ZFAND3: variants seen among roughly 807,000 people sequenced by gnomAD.
ZFAND3 encodes the protein AN1-type zinc finger protein 3.
ZFAND3 carries 10 observed loss-of-function variants against 29.6 expected under a neutral mutation model. That is an observed-to-expected ratio of 0.34 (90% confidence interval 0.21 to 0.57). ZFAND3 has a LOEUF of 0.57. ZFAND3 is among the 20% of genes least tolerant of loss of function. The pLI is 0.86. For missense variants in ZFAND3, 230 were observed against 304.5 expected, an observed-to-expected ratio of 0.76 and a Z score of 1.82; for synonymous variants, 128 against 112.6, an observed-to-expected ratio of 1.14 and a Z score of -0.87.
intron 1 of ZFAND3, among the ~76,000 whole-genome samples, chr6:37,822,620 A>G (rs1319864334): frequency 6.6e-6 from 1 of 152,196 alleles, no homozygotes; most frequent in African/African-American, 2.4e-5. Flanking sequence ...GTAAACTGAC[A>G]GTTGCAATAC....
chr6:38,005,068 G>T (rs545989188), intron 2 of ZFAND3, among the ~76,000 whole-genome samples: 2 of 152,238 alleles, frequency 1.3e-5, no homozygotes, highest in East Asian at 3.8e-4. Flanking sequence ...CTTCTTCAGT[G>T]AGATAATCAG....
At chr6:38,014,237 AAG>A (rs568756507) in intron 2 of ZFAND3, among the ~76,000 whole-genome samples, 70 of 152,212 alleles carry the variant, frequency 4.6e-4, no homozygotes, top group South Asian at 6.2e-4. Context: ...TTTTGTTAAA[AAG>A]AGAGAGAGAA....
chr6:37,891,968 A>G lies in ZFAND3; in HGVS notation c.72-37991A>G, dbSNP rs116572732. Among the ~76,000 whole-genome samples the G allele has an allele frequency of 5.0e-3, 763 of 152,232 alleles. 9 individuals are homozygous for G. Among genetic ancestry groups the G allele is most frequent in the African/African-American group, 0.017 (701 of 41,536 alleles). ...AGTCTCGAACCCCTGAACTCAGGCA[A>G]TCCACTCGCCTCGCCCTCCCAAAGT... On this transcript the variant is annotated intron_variant, in intron 1 of 5. Transcript: ENST00000287218.
At position 37,971,916 on chromosome 6, in the gene ZFAND3, C is replaced by G. The variant is rs1047749762; in HGVS notation, c.112+41917C>G. Reference sequence around the variant, plus strand: ...TTGAGAGGTTGAAGTGGGAGGATTGCTTGAGCCGTGATCTTGCCACTGCAC... The same window carrying G: ...TTGAGAGGTTGAAGTGGGAGGATTGGTTGAGCCGTGATCTTGCCACTGCAC... On this transcript the variant is annotated intron_variant, in intron 2 of 5. Transcript: ENST00000287218. Among the ~76,000 whole-genome samples the G allele has an allele frequency of 1.6e-4, 24 of 151,210 alleles. No homozygotes were observed. The East Asian group carries it at 2.3e-3, about 15-fold the overall frequency.
At chr6:38,151,159 G>A (rs1285124588) in intron 5 of ZFAND3, among the ~76,000 whole-genome samples, 1 of 152,182 alleles carries the variant, frequency 6.6e-6, no homozygotes, top group Admixed American at 6.5e-5. Context: ...CGGTGCAGCT[G>A]CGCCCTGAGT....
chr6:38,064,483 G>T (rs1764303457), intron 3 of ZFAND3, among the ~76,000 whole-genome samples: 1 of 152,174 alleles, frequency 6.6e-6, no homozygotes, highest in African/African-American at 2.4e-5. Flanking sequence ...TCAAATTTAG[G>T]CATTTGGCTT....
At chr6:37,852,155 GTTTA>G (rs900767394) in intron 1 of ZFAND3, among the ~76,000 whole-genome samples, 2 of 152,168 alleles carry the variant, frequency 1.3e-5, no homozygotes, top group Admixed American at 6.5e-5. Context: ...CAGGAAATCA[GTTTA>G]TTTATCTCAT....
At chr6:38,110,643 C>G (rs1022866737) in intron 4 of ZFAND3, among the ~76,000 whole-genome samples, 48 of 152,178 alleles carry the variant, frequency 3.2e-4, no homozygotes, top group Non-Finnish European at 1.8e-4. Flanking sequence ...TGTCAAGAGA[C>G]TGATAGGTTC....
intron 2 of ZFAND3, among the ~76,000 whole-genome samples, chr6:38,039,663 G>A (rs564248343): frequency 2.4e-4 from 37 of 152,290 alleles, no homozygotes; most frequent in Non-Finnish European, 4.6e-4. Context: ...TCAGTACTCT[G>A]TAGTGCATGG....
chr6:37,902,482 C>CCTGT (rs1445494170), intron 1 of ZFAND3, among the ~76,000 whole-genome samples: 1 of 151,706 alleles, frequency 6.6e-6, no homozygotes. Flanking sequence ...AGAGTGAGAC[C>CCTGT]CTGTCTCAAA....
chr6:37,865,051 A>G (rs1226533769), intron 1 of ZFAND3, among the ~76,000 whole-genome samples: 1 of 152,110 alleles, frequency 6.6e-6, no homozygotes, highest in Non-Finnish European at 1.5e-5. Context: ...GGTGGCGGGC[A>G]CCTATAATCT....
At chr6:38,063,861 G>A (rs1764289897) in intron 3 of ZFAND3, among the ~76,000 whole-genome samples, 1 of 151,858 alleles carries the variant, frequency 6.6e-6, no homozygotes, top group Admixed American at 6.6e-5. Context: ...AAAATGGAAA[G>A]GATTAAACAG....
intron 1 of ZFAND3, among the ~76,000 whole-genome samples, chr6:37,873,801 C>A (rs1764743299): frequency 6.6e-6 from 1 of 152,176 alleles, no homozygotes; most frequent in Non-Finnish European, 1.5e-5. Flanking sequence ...CAGCTACTCA[C>A]CCCTACATTG....
In ZFAND3 at chr6:38,046,929, C is replaced by G. The variant is rs771194531; in HGVS notation, c.113-14664C>G. Among the ~76,000 whole-genome samples the G allele has an allele frequency of 2.6e-5, 4 of 151,986 alleles. No homozygotes were observed. In the East Asian group the frequency reaches 7.7e-4, roughly 29 times the overall value. ...AGCCTGGTAGAAAGTTCAGTTGATA[C>G]CCCAGCCCACATTGTCTAGTAATCA... On this transcript the variant is annotated intron_variant, in intron 2 of 5. Transcript: ENST00000287218.
chr6:37,902,976 A>G (rs1165452237), intron 1 of ZFAND3, among the ~76,000 whole-genome samples: 1 of 152,092 alleles, frequency 6.6e-6, no homozygotes, highest in Admixed American at 6.6e-5. Flanking sequence ...TAATAATTTC[A>G]GAGTAACATA....
At position 37,821,263 on chromosome 6, in the gene ZFAND3, A is replaced by C. The variant is rs1763662062; in HGVS notation, c.71+1247A>C. ...AGTTGTCGTATCTCAAGGTTATGAC[A>C]AAGAAGTGGATTTTCATTTTCTCAT... On this transcript the variant is annotated intron_variant, in intron 1 of 5. Transcript: ENST00000287218. Among the ~76,000 whole-genome samples the C allele has an allele frequency of 2.6e-5, 4 of 152,248 alleles. No individual in the cohort carries two copies. The South Asian group carries it at 6.2e-4, about 24-fold the overall frequency.
In ZFAND3 at chr6:37,999,672, C is replaced by G. The variant is rs566520122; in HGVS notation, c.113-61921C>G. On this transcript the variant is annotated intron_variant, in intron 2 of 5. Transcript: ENST00000287218. Reference sequence around the variant, plus strand: ...CAAAATACCTGACCAGTACTCTTGACAAATGTCAAGGTTATCAAAAACAAG... The same window carrying G: ...CAAAATACCTGACCAGTACTCTTGAGAAATGTCAAGGTTATCAAAAACAAG... Among the ~76,000 whole-genome samples the G allele has an allele frequency of 3.9e-5, 6 of 152,194 alleles. No homozygotes were observed. In the East Asian group the frequency reaches 9.6e-4, roughly 24 times the overall value.
intron 5 of ZFAND3, among the ~76,000 whole-genome samples, chr6:38,118,874 T>C (rs1202149844): frequency 6.6e-6 from 1 of 152,216 alleles, no homozygotes; most frequent in Non-Finnish European, 1.5e-5. Flanking sequence ...TCTTAACCTT[T>C]GTGGGCAGGA....
chr6:38,081,548 C>A (rs1764661651), intron 3 of ZFAND3, among the ~76,000 whole-genome samples: 1 of 152,116 alleles, frequency 6.6e-6, no homozygotes, highest in African/African-American at 2.4e-5. Context: ...GTCACAGTCA[C>A]CTGGGGACCC....
Sources: gnomAD v4.1 joint callset for allele counts (sites outside exome capture counted in the v4.1 genomes callset) on GRCh38, gnomAD v4.1.1 for gene constraint, MANE v1.5 for transcripts, NCBI Gene and HGNC (gene_info 2026-07-23, HGNC 2026-07-21) for gene names.